Variants in PTPRN2 observed in about 807,000 individuals in gnomAD.
The protein encoded by PTPRN2 is receptor-type tyrosine-protein phosphatase N2.
Under a neutral mutation model 118.8 loss-of-function variants are expected in PTPRN2, and 74 were observed. The ratio of observed to expected loss-of-function variants is 0.62; its 90% CI spans 0.52 to 0.76. The LOEUF (loss-of-function observed/expected upper bound fraction) is 0.76, where lower values mean the gene tolerates loss of function less well. Ranked by LOEUF, PTPRN2 falls within the 30% of genes least tolerant of loss-of-function variation. PTPRN2 has a pLI of 0.00. For missense variants in PTPRN2, 1,481 were observed against 1,394.4 expected, an observed-to-expected ratio of 1.06 and a Z score of -0.99; for synonymous variants, 641 against 608.0, an observed-to-expected ratio of 1.05 and a Z score of -0.80.
chr7:158,456,503 G>C (rs760824514), intron 2 of PTPRN2, among the ~76,000 whole-genome samples: 4 of 145,584 alleles, frequency 2.7e-5, no homozygotes, highest in Admixed American at 2.0e-4. Context: ...AGAACATAAC[G>C]GCACGGATGC....
intron 11 of PTPRN2, among the ~76,000 whole-genome samples, chr7:157,973,481 T>C (rs1424810699): frequency 6.6e-6 from 1 of 152,252 alleles, no homozygotes; most frequent in African/African-American, 2.4e-5. Context: ...CCAATATTTA[T>C]ATACACCATT....
intron 22 of PTPRN2, among the ~76,000 whole-genome samples, chr7:157,548,221 GCAA>G (rs538184889): frequency 2.6e-5 from 4 of 152,072 alleles, no homozygotes; most frequent in Non-Finnish European, 4.4e-5. Flanking sequence ...GTCTCAGAAA[GCAA>G]CAACAACAAC....
intron 1 of PTPRN2, among the ~76,000 whole-genome samples, chr7:158,504,509 C>T (rs937720457): frequency 1.3e-5 from 2 of 152,218 alleles, no homozygotes; most frequent in Non-Finnish European, 2.9e-5. Flanking sequence ...CCATCCATGT[C>T]CCTGCAAAGG....
At chr7:157,752,574 C>T (rs1190500928) in intron 12 of PTPRN2, among the ~76,000 whole-genome samples, 2 of 152,194 alleles carry the variant, frequency 1.3e-5, no homozygotes, top group Non-Finnish European at 2.9e-5. Flanking sequence ...CTTCTTCACC[C>T]GAAAGCCCAT....
intron 11 of PTPRN2, among the ~76,000 whole-genome samples, chr7:158,011,928 C>A (rs1806077000): frequency 1.3e-5 from 2 of 152,198 alleles, no homozygotes; most frequent in Non-Finnish European, 2.9e-5. Context: ...TTGGTCAAAT[C>A]ATGGTTTCTT....
intron 10 of PTPRN2, among the ~76,000 whole-genome samples, chr7:158,107,633 C>T (rs1815794197): frequency 6.6e-6 from 1 of 151,372 alleles, no homozygotes; most frequent in African/African-American, 2.4e-5. Context: ...TGTAGATCAA[C>T]ACACACTTTG....
chr7:158,064,331 C>T (rs1563379207), intron 11 of PTPRN2, among the ~76,000 whole-genome samples: 1 of 152,234 alleles, frequency 6.6e-6, no homozygotes. Context: ...CTCCTGGGGA[C>T]GTCTCTCAGG....
intron 14 of PTPRN2, among the ~76,000 whole-genome samples, chr7:157,638,094 C>T (rs913527572): frequency 6.6e-6 from 1 of 152,168 alleles, no homozygotes; most frequent in Non-Finnish European, 1.5e-5. Context: ...AGCAATAATA[C>T]AAGAAAAGGG....
chr7:158,520,642 G>C (rs751026871), intron 1 of PTPRN2, among the ~76,000 whole-genome samples: 1 of 152,198 alleles, frequency 6.6e-6, no homozygotes, highest in Non-Finnish European at 1.5e-5. Flanking sequence ...TGTGGGTGGT[G>C]ATAATTCCAT....
At chr7:158,507,793 AAC>A (rs1822870050) in intron 1 of PTPRN2, among the ~76,000 whole-genome samples, 1 of 136,740 alleles carries the variant, frequency 7.3e-6, no homozygotes, top group African/African-American at 2.8e-5. Flanking sequence ...CCATCCAGGG[AAC>A]AGCCTCTGCA....
At chr7:158,337,634 GTCATTCACA>G (rs1805930300) in intron 2 of PTPRN2, among the ~76,000 whole-genome samples, 60 of 119,810 alleles carry the variant, frequency 5.0e-4, no homozygotes, top group African/African-American at 1.1e-3. Flanking sequence ...ACCTGCAGAC[GTCATTCACA>G]CCCACACTCT....
At chr7:157,840,213 G>A (rs957126805) in intron 12 of PTPRN2, among the ~76,000 whole-genome samples, 2 of 150,316 alleles carry the variant, frequency 1.3e-5, no homozygotes, top group Non-Finnish European at 3.0e-5. Context: ...GTGACTGTGT[G>A]GCCACGTGTG....
At chr7:157,723,402 C>T (rs1405227865) in intron 12 of PTPRN2, among the ~76,000 whole-genome samples, 10 of 152,198 alleles carry the variant, frequency 6.6e-5, no homozygotes, top group Admixed American at 2.0e-4. Flanking sequence ...ACTGAGCTCA[C>T]GGCTTCTCCC....
At chr7:157,747,169 C>T in intron 12 of PTPRN2, among the ~76,000 whole-genome samples, 2 of 136,766 alleles carry the variant, frequency 1.5e-5, no homozygotes, top group African/African-American at 2.9e-5. Context: ...AGGCCTGCGT[C>T]CCTGAGCTGT....
intron 21 of PTPRN2, among the ~76,000 whole-genome samples, chr7:157,566,250 G>A (rs1195601985): frequency 1.3e-5 from 2 of 152,246 alleles, no homozygotes; most frequent in African/African-American, 4.8e-5. Flanking sequence ...CTGGTCTTCT[G>A]TAATGCATTC....
chr7:158,284,131 C>T (rs1799615637), intron 3 of PTPRN2, among the ~76,000 whole-genome samples: 1 of 152,226 alleles, frequency 6.6e-6, no homozygotes, highest in Non-Finnish European at 1.5e-5. Context: ...ACTTGTTTGC[C>T]TGTGTGTTTT....
rs114376863 is a variant in PTPRN2, at chr7:157,965,535, C to T, written c.1724-66798G>A. Among the ~76,000 whole-genome samples the T allele has an allele frequency of 4.0e-3, 613 of 152,318 alleles. 1 individual carries two copies. Among genetic ancestry groups the T allele is most frequent in the African/African-American group, 0.014 (575 of 41,566 alleles). On this transcript the variant is annotated intron_variant, in intron 11 of 22. Transcript: ENST00000389418. ...AAATTTCTAGGTTTCCAACCCTACA[C>T]ACCCATTTGGGTCCCACTCAAACAT...
chr7:158,453,610 G>GGTGTGGGGA (rs1386992519), intron 2 of PTPRN2, among the ~76,000 whole-genome samples: 2 of 152,072 alleles, frequency 1.3e-5, no homozygotes, highest in African/African-American at 4.8e-5. Flanking sequence ...GTTGCCCCTG[G>GGTGTGGGGA]GTGAGCTCAG....
chr7:157,800,112 C>T lies in PTPRN2; in HGVS notation c.1788+98561G>A, dbSNP rs78307944. Among the ~76,000 whole-genome samples the T allele has an allele frequency of 2.9e-4, 43 of 149,836 alleles. No homozygotes were observed. The South Asian group carries it at 3.2e-3, about 11-fold the overall frequency. On this transcript the variant is annotated intron_variant, in intron 12 of 22. Transcript: ENST00000389418. ...TCCTCCATCCCTGAGGCACCACAGG[C>T]GGCCTCCTCCATCCCTCAGAGGCAC...
Sources: gnomAD v4.1 joint callset for allele counts (sites outside exome capture counted in the v4.1 genomes callset) on GRCh38, gnomAD v4.1.1 for gene constraint, MANE v1.5 for transcripts, NCBI Gene and HGNC (gene_info 2026-07-23, HGNC 2026-07-21) for gene names.